The following PPARG variants were observed in gnomAD, a reference collection of about 807,000 sequenced individuals.
PPARG encodes peroxisome proliferator activated receptor gamma, also known as peroxisome proliferator-activated receptor gamma.
In PPARG, 17 loss-of-function variants were observed where a neutral mutation model predicts 39.2. That is an observed-to-expected ratio of 0.43 (90% CI 0.30 to 0.65). The LOEUF is 0.65. Among genes scored for constraint, PPARG ranks in the 30% least tolerant of loss-of-function variants. The pLI, the probability that PPARG is intolerant of heterozygous loss-of-function variation, is 0.13. For missense variants in PPARG, 406 were observed against 585.9 expected, an observed-to-expected ratio of 0.69 and a Z score of 3.17; for synonymous variants, 223 against 215.7, an observed-to-expected ratio of 1.03 and a Z score of -0.30.
chr3:12,325,061 C>A (rs550079903), intron 2 of PPARG, among the ~76,000 whole-genome samples: 2 of 151,552 alleles, frequency 1.3e-5, no homozygotes, highest in African/African-American at 4.8e-5. Flanking sequence ...CTGAGGCGGG[C>A]GGATCACTTG....
chr3:12,431,532 A>AT (rs1198513167), intron 7 of PPARG, among the ~76,000 whole-genome samples: 2 of 152,222 alleles, frequency 1.3e-5, no homozygotes, highest in African/African-American at 4.8e-5. Context: ...AAAACACACA[A>AT]TTTTTAAAAA....
chr3:12,326,173 C>A (rs894942347), intron 2 of PPARG, among the ~76,000 whole-genome samples: 7 of 152,134 alleles, frequency 4.6e-5, no homozygotes, highest in Non-Finnish European at 8.8e-5. Context: ...TGAGTTCTTG[C>A]TACTCCACCC....
At chr3:12,306,954 C>T (rs1278897063) in intron 1 of PPARG, among the ~76,000 whole-genome samples, 7 of 151,904 alleles carry the variant, frequency 4.6e-5, no homozygotes, top group African/African-American at 9.7e-5. Flanking sequence ...AAAAATTAGC[C>T]GGGCGTGGTG....
At chr3:12,370,393 C>T (rs59549880) in intron 2 of PPARG, among the ~76,000 whole-genome samples, 20,968 of 151,802 alleles carry the variant, frequency 0.14, 1,595 homozygotes, top group Admixed American at 0.21. Context: ...AATCCTTTCT[C>T]TCTTGGGTTT....
chr3:12,370,398 G>A (rs1428951975), intron 2 of PPARG, among the ~76,000 whole-genome samples: 2 of 151,616 alleles, frequency 1.3e-5, no homozygotes, highest in Admixed American at 1.3e-4. Flanking sequence ...TTTCTCTCTT[G>A]GGTTTTGTTA....
rs529076718 is a variant in PPARG at position 12,412,198 on chromosome 3, A to G, written c.730-4506A>G. On this transcript the variant is annotated intron_variant, in intron 6 of 7. Coordinates refer to ENST00000651735, the MANE Select transcript of PPARG (RefSeq NM_138711.6). ...TAAACTTAGGGCATTCATGTATAAT[A>G]CCTTTCATAACTCATGTTAAAATGC... 1.5e-4 allele frequency among the ~76,000 whole-genome samples: 23 copies of G among 152,222 alleles called. No homozygotes were observed. The South Asian group carries it at 4.8e-3, about 32-fold the overall frequency.
intron 1 of PPARG, among the ~76,000 whole-genome samples, chr3:12,292,779 G>C (rs1042530877): frequency 1.3e-5 from 2 of 152,174 alleles, no homozygotes; most frequent in African/African-American, 4.8e-5. Context: ...AACAGCACAC[G>C]GGGTGATGGG....
intron 2 of PPARG, among the ~76,000 whole-genome samples, chr3:12,322,366 G>A (rs1307311515): frequency 6.6e-6 from 1 of 152,208 alleles, no homozygotes; most frequent in African/African-American, 2.4e-5. Context: ...TATGTATGCA[G>A]CACTGTTTTA....
intron 2 of PPARG, among the ~76,000 whole-genome samples, chr3:12,372,523 T>C (rs1014088221): frequency 1.3e-5 from 2 of 152,218 alleles, no homozygotes; most frequent in African/African-American, 4.8e-5. Flanking sequence ...ATATTTGGCG[T>C]AGTACTTTGC....
At chr3:12,373,327 G>A (rs755003589) in intron 2 of PPARG, among the ~76,000 whole-genome samples, 5 of 152,144 alleles carry the variant, frequency 3.3e-5, no homozygotes, top group Admixed American at 1.3e-4. Context: ...AGTGTGTTTG[G>A]GCAATGTTTT....
intron 1 of PPARG, among the ~76,000 whole-genome samples, chr3:12,297,298 CTT>C (rs1484338461): frequency 3.3e-5 from 5 of 151,948 alleles, no homozygotes; most frequent in Non-Finnish European, 5.9e-5. Flanking sequence ...TGATTGGAAC[CTT>C]ACAAAAATGT....
At chr3:12,372,840 T>C (rs2049270655) in intron 2 of PPARG, among the ~76,000 whole-genome samples, 1 of 152,218 alleles carries the variant, frequency 6.6e-6, no homozygotes, top group Non-Finnish European at 1.5e-5. Context: ...TTGACTATAA[T>C]AGCATTTAAA....
chr3:12,349,528 T>C (rs187397462), intron 2 of PPARG, among the ~76,000 whole-genome samples: 1 of 152,354 alleles, frequency 6.6e-6, no homozygotes, highest in East Asian at 1.9e-4. Context: ...TGAGCTGCTA[T>C]GTGGCAGGCC....
intron 1 of PPARG, among the ~76,000 whole-genome samples, chr3:12,308,551 TAAAC>T: frequency 6.6e-6 from 1 of 152,192 alleles, no homozygotes; most frequent in Middle Eastern, 3.4e-3. Flanking sequence ...TGAATACAGT[TAAAC>T]AAATTATATT....
At chr3:12,414,484 A>G (rs1016802660) in intron 6 of PPARG, among the ~76,000 whole-genome samples, 2 of 152,130 alleles carry the variant, frequency 1.3e-5, no homozygotes, top group Admixed American at 1.3e-4. Context: ...TTTTAGAAAA[A>G]GAAAGTAAAT....
chr3:12,400,575 C>A (rs940848494), intron 5 of PPARG, among the ~76,000 whole-genome samples: 3 of 152,152 alleles, frequency 2.0e-5, no homozygotes, highest in African/African-American at 7.2e-5. Context: ...TACCAAGATA[C>A]CAGATTTCTC....
At chr3:12,305,733 C>T (rs541984321) in intron 1 of PPARG, 2 of 152,156 alleles carry the variant, frequency 1.3e-5, no homozygotes, top group Non-Finnish European at 1.5e-5. Context: ...CCCAAATAGC[C>T]ATCATAACTT....
intron 1 of PPARG, among the ~76,000 whole-genome samples, chr3:12,307,040 G>A (rs1235309131): frequency 2.1e-5 from 3 of 145,566 alleles, no homozygotes; most frequent in Non-Finnish European, 4.5e-5. Flanking sequence ...AGAGATTGCA[G>A]TGAGCCGAGA....
At chr3:12,367,761 C>T (rs982969431) in intron 2 of PPARG, among the ~76,000 whole-genome samples, 8 of 151,498 alleles carry the variant, frequency 5.3e-5, no homozygotes, top group Admixed American at 3.3e-4. Context: ...GTGGTCCCAG[C>T]TACTTGGAAG....
Sources: allele counts gnomAD v4.1 joint callset (sites outside exome capture counted in the v4.1 genomes callset), GRCh38; gene constraint gnomAD v4.1.1; transcripts MANE v1.5; gene names NCBI Gene and HGNC (gene_info 2026-07-23, HGNC 2026-07-21).